The following CR1L variants were observed in gnomAD, a reference collection of about 807,000 sequenced individuals.
CR1L encodes the protein complement component receptor 1-like protein.
CR1L carries 59 observed loss-of-function variants against 62.3 expected under a neutral mutation model. That is an observed-to-expected ratio of 0.95 (90% CI 0.77 to 1.18). The LOEUF (loss-of-function observed/expected upper bound fraction) is 1.18. CR1L is among the 50% of genes most tolerant of loss of function. CR1L has a pLI of 0.00. For synonymous variants in CR1L, 279 were observed against 248.7 expected, an observed-to-expected ratio of 1.12 and a Z score of -1.15; for missense variants, 700 against 702.8, an observed-to-expected ratio of 1.00 and a Z score of 0.04.
chr1:207,684,126 A>G lies in CR1L; in HGVS notation c.463+169A>G, dbSNP rs1571518705. The G allele has an allele frequency of 7.7e-6, 4 of 516,324 alleles. No homozygotes were observed. The East Asian group carries it at 1.3e-4, about 17-fold the overall frequency. 32.0% of individuals were successfully genotyped at this position (516,324 alleles called of 1,614,324 possible). A position where few individuals can be genotyped will look rare whatever the true frequency, so the allele number is the denominator to read the frequency against. On this transcript the variant is annotated intron_variant, in intron 4 of 11. Transcript: ENST00000508064. ...TGGGGTTCCTGGCAACTCTTTCTTTAAGTTCTTTCTTATCCTGGGATGTGT... is the reference window on the plus strand; with the variant it reads ...TGGGGTTCCTGGCAACTCTTTCTTTGAGTTCTTTCTTATCCTGGGATGTGT...
chr1:207,682,241 T>C (rs944559624), intron 3 of CR1L, among the ~76,000 whole-genome samples: 1 of 113,358 alleles, frequency 8.8e-6, no homozygotes, highest in Non-Finnish European at 2.0e-5. Flanking sequence ...GAGGCTGAGG[T>C]GGGAGAAATC....
intron 2 of CR1L, 50 bp from the exon 3 acceptor site, chr1:207,678,148 A>AT (rs2102458330): frequency 6.4e-7 from 1 of 1,559,632 alleles, no homozygotes; most frequent in East Asian, 2.2e-5. Flanking sequence ...GTACTAAAAA[A>AT]AAATTCAGTT....
chr1:207,645,469 G>A (rs2102434122), intron 1 of CR1L, 139 bp downstream of exon 1: 3 of 958,100 alleles, frequency 3.1e-6, no homozygotes, highest in Non-Finnish European at 4.8e-6. Context: ...TCTCCGAGGG[G>A]TGCCGTGCTC....
intron 1 of CR1L, chr1:207,669,564 G>C: frequency 1.9e-6 from 3 of 1,540,458 alleles, no homozygotes; most frequent in Non-Finnish European, 2.6e-6. Flanking sequence ...CGGTGGCCTG[G>C]GGTGAAACGC....
chr1:207,718,729 C>T (rs553730231), intron 11 of CR1L, among the ~76,000 whole-genome samples: 1 of 152,248 alleles, frequency 6.6e-6, no homozygotes, highest in African/African-American at 2.4e-5. Context: ...CTTTTTTGAC[C>T]TGTTGGCTAA....
At chr1:207,715,475 G>T in intron 10 of CR1L, 2 of 876,312 alleles carry the variant, frequency 2.3e-6, no homozygotes, top group Admixed American at 2.1e-5. Flanking sequence ...GGAATCACTT[G>T]TCTGGATCTT....
chr1:207,675,006 T>G (rs76096193), intron 1 of CR1L, among the ~76,000 whole-genome samples: 2,732 of 152,280 alleles, frequency 0.018, 73 homozygotes, highest in African/African-American at 0.062. Flanking sequence ...ACTCTTCATT[T>G]TTTTTTAAGT....
intron 1 of CR1L, among the ~76,000 whole-genome samples, chr1:207,668,142 T>C (rs1663550850): frequency 6.6e-6 from 1 of 151,020 alleles, no homozygotes; most frequent in South Asian, 2.1e-4. Flanking sequence ...AGAACTACCA[T>C]ATGATCCAGC....
chr1:207,660,908 T>C (rs1663409424), intron 1 of CR1L, among the ~76,000 whole-genome samples: 1 of 152,246 alleles, frequency 6.6e-6, no homozygotes, highest in African/African-American at 2.4e-5. Flanking sequence ...ATGTACCCAG[T>C]AGTCATTCAG....
In CR1L at chr1:207,645,336, A is replaced by T; in HGVS notation, c.97+6A>T. ...GCTGCTGTCCTCCTTCTCCGGTAGG[A>T]CCCCGGGGTGGATTCGCGCGTCCGC... is the stretch of plus-strand genomic sequence containing the variant. On this transcript the variant is annotated splice_donor_region_variant and intron_variant, in intron 1 of 11. Transcript: ENST00000508064. 6.2e-7 allele frequency: 1 copy of T among 1,613,226 alleles called. No homozygotes were observed. Among genetic ancestry groups the T allele is most frequent in the South Asian group, 1.1e-5 (1 of 91,042 alleles).
intron 1 of CR1L, among the ~76,000 whole-genome samples, chr1:207,662,293 G>A (rs1465283031): frequency 2.6e-5 from 4 of 152,192 alleles, no homozygotes; most frequent in East Asian, 1.9e-4. Context: ...CCAATCAGAC[G>A]TAGATTTGGT....
intron 10 of CR1L, among the ~76,000 whole-genome samples, 172 bp downstream of exon 10, chr1:207,708,435 T>C (rs1159328161): frequency 2.6e-5 from 4 of 152,254 alleles, no homozygotes; most frequent in African/African-American, 9.6e-5. Context: ...CACCTTCACC[T>C]AGAAATGCTT....
chr1:207,715,977 G>A (rs931727936), intron 10 of CR1L, among the ~76,000 whole-genome samples: 9 of 152,106 alleles, frequency 5.9e-5, no homozygotes, highest in Admixed American at 2.0e-4. Flanking sequence ...TTACAAGTGT[G>A]AGCCACCGTA....
At position 207,645,233 on chromosome 1, in the gene CR1L, C is replaced by T. The variant is rs533687146; in HGVS notation, c.-1C>T. ...AAATCACGGGGTCTCCCGCGCCGCT[C>T]ATGGCGCCTCCCGTCCGTCTCGAGC... On this transcript the variant is annotated 5_prime_UTR_variant, in exon 1 of 12. Coordinates refer to ENST00000508064, the MANE Select transcript of CR1L (RefSeq NM_175710.2). The T allele has an allele frequency of 1.3e-5, 21 of 1,612,820 alleles. No homozygotes were observed. In the East Asian group the frequency reaches 2.0e-4, roughly 15 times the overall value.
chr1:207,698,048 T>C (rs1179556367), intron 7 of CR1L, among the ~76,000 whole-genome samples, 175 bp downstream of exon 7: 3 of 152,016 alleles, frequency 2.0e-5, no homozygotes, highest in Non-Finnish European at 4.4e-5. Flanking sequence ...GAAAGACACA[T>C]ATGGAACTAA....
intron 4 of CR1L, among the ~76,000 whole-genome samples, chr1:207,689,662 C>T (rs533388800): frequency 2.0e-4 from 31 of 151,992 alleles, no homozygotes; most frequent in African/African-American, 5.3e-4. Flanking sequence ...TTCTAGTCTC[C>T]GGAATAATTT....
intron 4 of CR1L, among the ~76,000 whole-genome samples, chr1:207,691,944 T>G (rs1171464275): frequency 6.6e-6 from 1 of 152,126 alleles, no homozygotes; most frequent in African/African-American, 2.4e-5. Context: ...AGCTGCGTGG[T>G]GGAAGAGGAT....
intron 1 of CR1L, chr1:207,655,361 G>T (rs1461369805): frequency 5.3e-6 from 2 of 375,122 alleles, no homozygotes; most frequent in South Asian, 3.4e-5. Flanking sequence ...TACATTTTAA[G>T]ATTAACAAAG....
At chr1:207,670,790 G>A (rs1663599971) in intron 1 of CR1L, among the ~76,000 whole-genome samples, 1 of 151,138 alleles carries the variant, frequency 6.6e-6, no homozygotes, top group South Asian at 2.1e-4. Flanking sequence ...TAGGAGAGAA[G>A]CATGCCCAGT....
Sources: gnomAD v4.1 joint callset for allele counts (sites outside exome capture counted in the v4.1 genomes callset) on GRCh38, gnomAD v4.1.1 for gene constraint, MANE v1.5 for transcripts, NCBI Gene and HGNC (gene_info 2026-07-23, HGNC 2026-07-21) for gene names.